Variants in USP10 observed in about 807,000 individuals in gnomAD.
The protein encoded by USP10 is ubiquitin specific peptidase 10.
In USP10, 22 loss-of-function variants were observed where a neutral mutation model predicts 84.5. The ratio of observed to expected loss-of-function variants is 0.26; its 90% CI spans 0.19 to 0.37. The LOEUF is 0.37. Among genes scored for constraint, USP10 ranks in the 10% least tolerant of loss-of-function variants. The pLI is 1.00. For missense variants in USP10, 1,019 were observed against 998.9 expected, an observed-to-expected ratio of 1.02 and a Z score of -0.27; for synonymous variants, 454 against 387.6, an observed-to-expected ratio of 1.17 and a Z score of -2.01.
At chr16:84,772,720 GAC>G (rs1280299837) in intron 12 of USP10, 35 bp downstream of exon 12, 2 of 1,610,826 alleles carry the variant, frequency 1.2e-6, no homozygotes, top group African/African-American at 2.7e-5. Context: ...TGTTCGTGGT[GAC>G]ACACTCCTGC....
chr16:84,704,710 TGAACTGGC>T, intron 1 of USP10: 1 of 1,491,114 alleles, frequency 6.7e-7, no homozygotes, highest in Admixed American at 2.4e-5. Flanking sequence ...AGATTTTTTC[TGAACTGGC>T]TATTTTCTGG....
At position 84,776,256 on chromosome 16, in the gene USP10, G is replaced by C. The variant is rs1431728917; in HGVS notation, c.2209+1031G>C. Among the ~76,000 whole-genome samples, 7 of 152,320 alleles carry C rather than the reference G, an allele frequency of 4.6e-5. 1 individual carries two copies. In the South Asian group the frequency reaches 1.0e-3, roughly 23 times the overall value. ...CAGCTCACGCCCGATGTTTTAGGAAGTTTGGCGAGTGGGTGAGGGCCCAGG... is the reference window on the plus strand; with the variant it reads ...CAGCTCACGCCCGATGTTTTAGGAACTTTGGCGAGTGGGTGAGGGCCCAGG... On this transcript the variant is annotated intron_variant, in intron 13 of 13. Coordinates refer to ENST00000219473, the MANE Select transcript of USP10 (RefSeq NM_005153.3).
At chr16:84,747,647 T>A (rs11647063) in intron 4 of USP10, among the ~76,000 whole-genome samples, 1 of 137,160 alleles carries the variant, frequency 7.3e-6, no homozygotes, top group Non-Finnish European at 1.5e-5. Context: ...CACTACAACC[T>A]CCGCCTCCTG....
chr16:84,740,118 A>G (rs564142553), intron 2 of USP10, among the ~76,000 whole-genome samples, 191 bp from the exon 3 acceptor site: 26 of 152,268 alleles, frequency 1.7e-4, no homozygotes, highest in African/African-American at 5.1e-4. Flanking sequence ...AAGCATTTCT[A>G]TTGTGTTTTT....
intron 7 of USP10, 107 bp from the exon 8 acceptor site, chr16:84,760,065 T>G (rs1164966025): frequency 7.9e-6 from 12 of 1,518,000 alleles, no homozygotes; most frequent in Middle Eastern, 1.7e-4. Flanking sequence ...TATGCCATTC[T>G]CAACATTCAG....
At chr16:84,733,673 C>T (rs917724752) in intron 2 of USP10, among the ~76,000 whole-genome samples, 170 bp downstream of exon 2, 23 of 152,122 alleles carry the variant, frequency 1.5e-4, no homozygotes, top group African/African-American at 5.3e-4. Flanking sequence ...TTTGATTTGA[C>T]ATTTTGCTGT....
intron 4 of USP10, among the ~76,000 whole-genome samples, chr16:84,753,607 A>AC (rs1186001266): frequency 6.6e-6 from 1 of 151,442 alleles, no homozygotes. Flanking sequence ...CAGGGCGCGA[A>AC]CCCCCGTCTT....
At chr16:84,715,646 T>A (rs55709560) in intron 1 of USP10, among the ~76,000 whole-genome samples, 68,582 of 151,082 alleles carry the variant, frequency 0.45, 16,598 homozygotes, top group Admixed American at 0.56. Flanking sequence ...CCTTTTTTTT[T>A]TAAAAAAACA....
At chr16:84,761,460 C>T (rs970946056) in intron 8 of USP10, among the ~76,000 whole-genome samples, 24 of 152,164 alleles carry the variant, frequency 1.6e-4, no homozygotes, top group African/African-American at 5.3e-4. Context: ...CAAAAGCATG[C>T]GGAGCAGAGT....
chr16:84,700,133 C>T (rs2150744530), intron 1 of USP10, 22 bp downstream of exon 1: 1 of 1,336,052 alleles, frequency 7.5e-7, no homozygotes, highest in Non-Finnish European at 9.8e-7. Context: ...TCTGCGCCTT[C>T]GGCCGGAAGG....
intron 4 of USP10, among the ~76,000 whole-genome samples, chr16:84,757,442 TGTG>T: frequency 6.8e-6 from 1 of 147,178 alleles, no homozygotes; most frequent in African/African-American, 2.5e-5. Flanking sequence ...TGTGTGTGTG[TGTG>T]TTTTGAATTT....
intron 4 of USP10, among the ~76,000 whole-genome samples, chr16:84,758,055 A>G (rs754073425): frequency 5.9e-5 from 9 of 152,240 alleles, no homozygotes; most frequent in Non-Finnish European, 1.2e-4. Flanking sequence ...GTTTTAATAC[A>G]CAGAAAGAGT....
rs915779892 is a variant in USP10 at position 84,779,619 on chromosome 16, A to G, written c.*537A>G. On this transcript the variant is annotated 3_prime_UTR_variant, in exon 14 of 14. Transcript: ENST00000219473. ...CTGGTTCCTAACAGGAAAAATTTTA[A>G]TAATTGTACTGAGAGAAACTGCTTA... 3 of 153,152 alleles carry G rather than the reference A, an allele frequency of 2.0e-5. No individual in the cohort carries two copies. Among genetic ancestry groups the G allele is most frequent in the Non-Finnish European group, 2.9e-5 (2 of 68,434 alleles). 9.5% of individuals were successfully genotyped at this position (153,152 alleles called of 1,614,324 possible). A position where few individuals can be genotyped will look rare whatever the true frequency, so the allele number is the denominator to read the frequency against.
At chr16:84,761,835 C>T (rs1269041014) in intron 8 of USP10, among the ~76,000 whole-genome samples, 2 of 152,260 alleles carry the variant, frequency 1.3e-5, no homozygotes, top group Non-Finnish European at 2.9e-5. Flanking sequence ...ACCTTGCAAG[C>T]AGGCCTTTCC....
intron 1 of USP10, among the ~76,000 whole-genome samples, chr16:84,723,418 ACTC>A (rs1172109017): frequency 1.2e-4 from 19 of 152,282 alleles, no homozygotes; most frequent in African/African-American, 4.3e-4. Context: ...TGAAAGATGT[ACTC>A]CTAGCTGGAA....
intron 1 of USP10, among the ~76,000 whole-genome samples, chr16:84,724,197 A>G (rs900952358): frequency 6.6e-6 from 1 of 152,202 alleles, no homozygotes; most frequent in African/African-American, 2.4e-5. Context: ...TTTAATGGCC[A>G]TTTTGTAATA....
chr16:84,727,996 C>G (rs1908730449), intron 1 of USP10, among the ~76,000 whole-genome samples: 1 of 152,196 alleles, frequency 6.6e-6, no homozygotes, highest in Admixed American at 6.5e-5. Context: ...TATCATGTCT[C>G]TAGCTTTTTG....
At chr16:84,728,239 A>G (rs1010921572) in intron 1 of USP10, among the ~76,000 whole-genome samples, 2 of 152,264 alleles carry the variant, frequency 1.3e-5, no homozygotes, top group Non-Finnish European at 1.5e-5. Context: ...CCTTGCTTCA[A>G]CATTTAGTCA....
chr16:84,755,505 C>T (rs1912429079), intron 4 of USP10, among the ~76,000 whole-genome samples: 1 of 152,080 alleles, frequency 6.6e-6, no homozygotes, highest in Admixed American at 6.6e-5. Flanking sequence ...ACCCTTCCAG[C>T]CCTGCACTCT....
Sources: gnomAD v4.1 joint callset for allele counts (sites outside exome capture counted in the v4.1 genomes callset) on GRCh38, gnomAD v4.1.1 for gene constraint, MANE v1.5 for transcripts, NCBI Gene and HGNC (gene_info 2026-07-23, HGNC 2026-07-21) for gene names.